CLYBL: variants seen among roughly 807,000 people sequenced by gnomAD.
CLYBL encodes citramalyl-CoA lyase.
CLYBL carries 31 observed loss-of-function variants against 38.9 expected under a neutral mutation model. That is an observed-to-expected ratio of 0.80 (90% CI 0.60 to 1.08). The LOEUF (loss-of-function observed/expected upper bound fraction) is 1.08. CLYBL is among the 50% of genes least tolerant of loss of function. The pLI, the probability that CLYBL is intolerant of heterozygous loss-of-function variation, is 0.00. For missense variants in CLYBL, 434 were observed against 411.6 expected (o/e 1.05, Z -0.47); for synonymous variants, 171 against 158.6 (o/e 1.08, Z -0.59).
At chr13:99,625,214 A>T (rs938500967) in intron 1 of CLYBL, among the ~76,000 whole-genome samples, 1 of 151,866 alleles carries the variant, frequency 6.6e-6, no homozygotes, top group African/African-American at 2.4e-5. Context: ...ATGTTTACTC[A>T]CCCCTGTCCC....
intron 1 of CLYBL, among the ~76,000 whole-genome samples, chr13:99,677,192 C>T (rs9585185): frequency 0.014 from 2,070 of 152,130 alleles, 48 homozygotes; most frequent in African/African-American, 0.047. Flanking sequence ...CCTGCATTGG[C>T]GTATTGAAAA....
chr13:99,629,378 C>A (rs2046912017), intron 1 of CLYBL, among the ~76,000 whole-genome samples: 1 of 152,224 alleles, frequency 6.6e-6, no homozygotes, highest in Admixed American at 6.5e-5. Flanking sequence ...TGCTCCAAGT[C>A]CCCATCTATC....
chr13:99,768,842 G>A (rs370176090), intron 1 of CLYBL, among the ~76,000 whole-genome samples: 4 of 152,202 alleles, frequency 2.6e-5, no homozygotes, highest in African/African-American at 9.6e-5. Context: ...CTTTCTCTGG[G>A]CATCCATGGT....
intron 2 of CLYBL, among the ~76,000 whole-genome samples, chr13:99,791,607 G>A (rs1398943237): frequency 6.6e-6 from 1 of 152,156 alleles, no homozygotes; most frequent in Non-Finnish European, 1.5e-5. Context: ...TTCCTCTTCT[G>A]TAAAATAAGA....
intron 1 of CLYBL, among the ~76,000 whole-genome samples, chr13:99,737,547 T>C (rs1318260578): frequency 6.6e-6 from 1 of 152,130 alleles, no homozygotes; most frequent in Non-Finnish European, 1.5e-5. Flanking sequence ...TCACCTCCTT[T>C]CCAGGGAAGT....
downstream of CLYBL, among the ~76,000 whole-genome samples, chr13:99,899,912 CTTTATT>C (rs1430933277): frequency 4.6e-5 from 7 of 152,058 alleles, no homozygotes; most frequent in Non-Finnish European, 7.4e-5. Context: ...CCATTTTCTC[CTTTATT>C]TTTATTTTTA....
chr13:99,854,602 A>C (rs2051412946), intron 2 of CLYBL, among the ~76,000 whole-genome samples: 1 of 152,150 alleles, frequency 6.6e-6, no homozygotes, highest in Admixed American at 6.5e-5. Flanking sequence ...CTTCCACTGG[A>C]GTGTAAAAGT....
chr13:99,860,807 C>T (rs1384536221), intron 3 of CLYBL, among the ~76,000 whole-genome samples: 1 of 152,248 alleles, frequency 6.6e-6, no homozygotes, highest in Non-Finnish European at 1.5e-5. Flanking sequence ...GAGCCTGATG[C>T]ACAACTGAAA....
chr13:99,837,740 G>A (rs1050585449), intron 2 of CLYBL, among the ~76,000 whole-genome samples: 2 of 152,190 alleles, frequency 1.3e-5, no homozygotes, highest in African/African-American at 4.8e-5. Flanking sequence ...ATTTATGTGT[G>A]CACCAGCGCA....
intron 1 of CLYBL, among the ~76,000 whole-genome samples, chr13:99,695,708 G>T (rs2139442771): frequency 6.6e-6 from 1 of 152,122 alleles, no homozygotes; most frequent in Non-Finnish European, 1.5e-5. Flanking sequence ...TTAGTAGAGA[G>T]AGATTTCACC....
At chr13:99,658,705 T>G (rs1161662650) in intron 1 of CLYBL, among the ~76,000 whole-genome samples, 2 of 150,824 alleles carry the variant, frequency 1.3e-5, no homozygotes, top group Non-Finnish European at 2.9e-5. Context: ...GCCGGGTTTA[T>G]CCATTTTGAT....
At chr13:99,823,371 A>G (rs1305505408) in intron 2 of CLYBL, among the ~76,000 whole-genome samples, 1 of 152,216 alleles carries the variant, frequency 6.6e-6, no homozygotes, top group East Asian at 1.9e-4. Flanking sequence ...TGGCTAGTTT[A>G]CAGGTTTTAA....
At position 99,710,249 on chromosome 13, in the gene CLYBL, ATTTG is replaced by A. The variant is rs529360491; in HGVS notation, c.63-62567_63-62564del. 1.6e-4 allele frequency among the ~76,000 whole-genome samples: 24 copies of A among 151,764 alleles called. 1 individual carries two copies. The East Asian group carries it at 3.3e-3, about 21-fold the overall frequency. Reference sequence around the variant, plus strand: ...TTTTTAAATGGTGACTTGTGTTTTTATTTGTTTGTTTTTAAAGACACTTGAAATT... The same window carrying A: ...TTTTTAAATGGTGACTTGTGTTTTTATTTGTTTTTAAAGACACTTGAAATT... On this transcript the variant is annotated intron_variant, in intron 1 of 8. Coordinates refer to ENST00000339105, the MANE Select transcript of CLYBL (RefSeq NM_206808.5).
chr13:99,750,790 A>C (rs1308681170), intron 1 of CLYBL, among the ~76,000 whole-genome samples: 3 of 152,072 alleles, frequency 2.0e-5, no homozygotes, highest in Non-Finnish European at 4.4e-5. Context: ...ATTTATTAGA[A>C]ATTGTGGAGA....
intron 2 of CLYBL, among the ~76,000 whole-genome samples, chr13:99,856,103 A>G (rs2051452803): frequency 6.6e-6 from 1 of 152,236 alleles, no homozygotes; most frequent in Non-Finnish European, 1.5e-5. Context: ...TAGGTACTTC[A>G]TTTGCAGCCA....
At chr13:99,616,948 T>C (rs1407765481) in intron 1 of CLYBL, among the ~76,000 whole-genome samples, 1 of 151,858 alleles carries the variant, frequency 6.6e-6, no homozygotes, top group African/African-American at 2.4e-5. Context: ...AGAGCGCGAC[T>C]CCGTCTCAAT....
chr13:99,633,234 AAG>A (rs1465743968), intron 1 of CLYBL, among the ~76,000 whole-genome samples: 39 of 143,872 alleles, frequency 2.7e-4, no homozygotes, highest in African/African-American at 8.7e-4. Context: ...AAAAAAAAAA[AAG>A]AGAAGAGAAG....
chr13:99,656,141 A>AT (rs2047327110), intron 1 of CLYBL, among the ~76,000 whole-genome samples: 1 of 151,196 alleles, frequency 6.6e-6, no homozygotes, highest in African/African-American at 2.4e-5. Flanking sequence ...TTTTTAGTTT[A>AT]TTTGTAATTA....
chr13:99,695,021 G>C (rs1023674168), intron 1 of CLYBL, among the ~76,000 whole-genome samples: 2 of 151,614 alleles, frequency 1.3e-5, no homozygotes, highest in Non-Finnish European at 2.9e-5. Flanking sequence ...CTTGGCCTCA[G>C]GTTCCTCATC....
Sources: allele counts gnomAD v4.1 joint callset (sites outside exome capture counted in the v4.1 genomes callset), GRCh38; gene constraint gnomAD v4.1.1; transcripts MANE v1.5; gene names NCBI Gene and HGNC (gene_info 2026-07-23, HGNC 2026-07-21).